SNTG1: variants seen among roughly 807,000 people sequenced by gnomAD.
SNTG1 encodes the protein syntrophin gamma 1.
In SNTG1, 39 loss-of-function variants were observed where a neutral mutation model predicts 74.7. The ratio of observed to expected loss-of-function variants is 0.52; its 90% confidence interval spans 0.40 to 0.68. SNTG1 has a LOEUF of 0.68. Ranked by LOEUF, SNTG1 falls within the 30% of genes least tolerant of loss-of-function variation. SNTG1 has a pLI of 0.00. For missense variants in SNTG1, 685 were observed against 609.5 expected (o/e 1.12, Z -1.30); for synonymous variants, 254 against 217.1 (o/e 1.17, Z -1.49).
chr8:50,303,716 A>C (rs913368257), intron 2 of SNTG1, among the ~76,000 whole-genome samples: 1 of 152,020 alleles, frequency 6.6e-6, no homozygotes, highest in Non-Finnish European at 1.5e-5. Context: ...AACGATTTGT[A>C]TGTCTTAATG....
At chr8:50,566,715 T>C (rs930200768) in intron 12 of SNTG1, among the ~76,000 whole-genome samples, 7 of 151,994 alleles carry the variant, frequency 4.6e-5, no homozygotes, top group African/African-American at 1.7e-4. Flanking sequence ...TCTACTGTTT[T>C]GTTTTGTTTT....
At chr8:50,135,393 A>G (rs1022235437) in intron 1 of SNTG1, among the ~76,000 whole-genome samples, 5 of 152,160 alleles carry the variant, frequency 3.3e-5, no homozygotes, top group Non-Finnish European at 5.9e-5. Context: ...GTCTTCTTTC[A>G]TACTTAGGTT....
chr8:50,288,588 A>C (rs929653536), intron 2 of SNTG1, among the ~76,000 whole-genome samples: 1 of 152,164 alleles, frequency 6.6e-6, no homozygotes, highest in African/African-American at 2.4e-5. Flanking sequence ...TAAACAGCTT[A>C]CTTTTGACAA....
intron 1 of SNTG1, among the ~76,000 whole-genome samples, chr8:50,144,553 T>C (rs980258350): frequency 1.3e-5 from 2 of 152,198 alleles, no homozygotes; most frequent in African/African-American, 4.8e-5. Context: ...GAATTTTATA[T>C]GTTTCATGCC....
chr8:50,320,968 GA>G (rs1056369313), intron 2 of SNTG1, among the ~76,000 whole-genome samples: 2 of 151,926 alleles, frequency 1.3e-5, no homozygotes, highest in South Asian at 2.1e-4. Context: ...ACATGCTGAG[GA>G]AAAAAATATG....
At chr8:49,999,236 C>A (rs967145613) in intron 1 of SNTG1, among the ~76,000 whole-genome samples, 1 of 152,150 alleles carries the variant, frequency 6.6e-6, no homozygotes, top group Non-Finnish European at 1.5e-5. Flanking sequence ...TTTTCTTTAA[C>A]GGTGCCCAGT....
chr8:50,657,822 G>C (rs1395609929), intron 14 of SNTG1, among the ~76,000 whole-genome samples: 1 of 151,996 alleles, frequency 6.6e-6, no homozygotes, highest in East Asian at 1.9e-4. Context: ...GATATGTATA[G>C]ATACCTATTG....
intron 1 of SNTG1, among the ~76,000 whole-genome samples, chr8:49,927,391 T>G (rs1807123192): frequency 6.6e-6 from 1 of 152,140 alleles, no homozygotes; most frequent in Non-Finnish European, 1.5e-5. Flanking sequence ...CTCTGGTACT[T>G]CCAGGTAAGG....
chr8:50,035,863 A>C (rs1486833271), intron 1 of SNTG1, among the ~76,000 whole-genome samples: 1 of 152,146 alleles, frequency 6.6e-6, no homozygotes, highest in Non-Finnish European at 1.5e-5. Flanking sequence ...ATCTGGGTTA[A>C]GCTCTCGGAC....
In SNTG1 at chr8:50,344,496, G is replaced by C. The variant is rs1023694244; in HGVS notation, c.-27-49716G>C. 2.0e-5 allele frequency among the ~76,000 whole-genome samples: 3 copies of C among 152,126 alleles called. No homozygotes were observed. In the South Asian group the frequency reaches 6.2e-4, roughly 31 times the overall value. Reference sequence around the variant, plus strand: ...CAAGAGGAATAGAAATAAACTCCATGTCTTGATGGGGAATGGAAAGGCACT... The same window carrying C: ...CAAGAGGAATAGAAATAAACTCCATCTCTTGATGGGGAATGGAAAGGCACT... On this transcript the variant is annotated intron_variant, in intron 2 of 18. Coordinates refer to ENST00000642720, the MANE Select transcript of SNTG1 (RefSeq NM_018967.5).
intron 1 of SNTG1, among the ~76,000 whole-genome samples, chr8:50,151,352 C>CA: frequency 6.6e-6 from 1 of 152,098 alleles, no homozygotes; most frequent in African/African-American, 2.4e-5. Context: ...TTGATCTTTT[C>CA]AAAAAACCAG....
At chr8:50,588,811 A>G (rs919592707) in intron 12 of SNTG1, among the ~76,000 whole-genome samples, 7 of 152,186 alleles carry the variant, frequency 4.6e-5, no homozygotes, top group Admixed American at 6.5e-5. Flanking sequence ...TACTTCTTCA[A>G]TAATTGACTT....
chr8:50,654,537 A>C (rs2095168685), intron 13 of SNTG1, among the ~76,000 whole-genome samples: 1 of 152,182 alleles, frequency 6.6e-6, no homozygotes, highest in Admixed American at 6.5e-5. Context: ...AATATCTGAA[A>C]TGCCTAAATA....
intron 5 of SNTG1, among the ~76,000 whole-genome samples, chr8:50,441,501 G>T (rs892753136): frequency 6.6e-6 from 1 of 152,198 alleles, no homozygotes; most frequent in East Asian, 1.9e-4. Flanking sequence ...ATTGAGGAGG[G>T]TTCCTATGTC....
At chr8:50,349,093 G>A (rs898809680) in intron 2 of SNTG1, among the ~76,000 whole-genome samples, 21 of 152,298 alleles carry the variant, frequency 1.4e-4, no homozygotes, top group African/African-American at 4.6e-4. Context: ...GTCAATGGAC[G>A]TACTATTTGT....
chr8:50,118,316 A>G (rs1043782194), intron 1 of SNTG1, among the ~76,000 whole-genome samples: 1 of 152,166 alleles, frequency 6.6e-6, no homozygotes, highest in Non-Finnish European at 1.5e-5. Context: ...TTTAAAAAAA[A>G]ATTACATGTA....
At chr8:50,790,045 C>T (rs1304251331) in intron 18 of SNTG1, among the ~76,000 whole-genome samples, 1 of 151,976 alleles carries the variant, frequency 6.6e-6, no homozygotes, top group Non-Finnish European at 1.5e-5. Flanking sequence ...ATGGCTCACT[C>T]CATCTTCCCT....
At chr8:50,667,530 G>A (rs932281598) in intron 15 of SNTG1, among the ~76,000 whole-genome samples, 1 of 151,944 alleles carries the variant, frequency 6.6e-6, no homozygotes, top group Non-Finnish European at 1.5e-5. Flanking sequence ...TAGTAACTCA[G>A]GTCTTTTTCT....
chr8:49,986,557 C>G (rs1234833914), intron 1 of SNTG1, among the ~76,000 whole-genome samples: 1 of 151,954 alleles, frequency 6.6e-6, no homozygotes, highest in Non-Finnish European at 1.5e-5. Context: ...TCTGAGTGGC[C>G]ATGCCTGTAA....
Sources: allele counts gnomAD v4.1 joint callset (sites outside exome capture counted in the v4.1 genomes callset), GRCh38; gene constraint gnomAD v4.1.1; transcripts MANE v1.5; gene names NCBI Gene and HGNC (gene_info 2026-07-23, HGNC 2026-07-21).